The following SAMD5 variants were observed in gnomAD, a reference collection of about 807,000 sequenced individuals.
The protein encoded by SAMD5 is sterile alpha motif domain containing 5, also known as sterile alpha motif domain-containing protein 5.
In SAMD5, 13 loss-of-function variants were observed where a neutral mutation model predicts 11.3. The observed-to-expected ratio is 1.15, with a 90% CI of 0.75 to 1.83. The LOEUF is 1.83. SAMD5 is among the 40% of genes most tolerant of loss of function. The pLI, the probability that SAMD5 is intolerant of heterozygous loss-of-function variation, is 0.00. For synonymous variants in SAMD5, 129 were observed against 111.3 expected, an observed-to-expected ratio of 1.16 and a Z score of -1.00; for missense variants, 255 against 239.1, an observed-to-expected ratio of 1.07 and a Z score of -0.44.
At chr6:147,749,041 A>G in the SAMD5 span, among the ~76,000 whole-genome samples, 1 of 151,910 alleles carries the variant, frequency 6.6e-6, no homozygotes, top group Non-Finnish European at 1.5e-5. Flanking sequence ...ATTTAATGAT[A>G]TTTTCATGCT....
chr6:147,884,849 T>C, the SAMD5 span, among the ~76,000 whole-genome samples: 1 of 152,176 alleles, frequency 6.6e-6, no homozygotes, highest in Non-Finnish European at 1.5e-5. Flanking sequence ...GACTTAGCTG[T>C]CTGGCGCAAT....
At chr6:147,641,945 G>A (rs1211773583) in intron 1 of SAMD5, among the ~76,000 whole-genome samples, 3 of 151,918 alleles carry the variant, frequency 2.0e-5, no homozygotes, top group African/African-American at 7.2e-5. Context: ...TATTTTTTCT[G>A]TCATACAACA....
At chr6:147,832,229 T>C in the SAMD5 span, among the ~76,000 whole-genome samples, 1 of 152,194 alleles carries the variant, frequency 6.6e-6, no homozygotes, top group Non-Finnish European at 1.5e-5. Context: ...CTTAAGAGTG[T>C]GTGTATTTAT....
chr6:147,829,562 C>T, the SAMD5 span, among the ~76,000 whole-genome samples: 1 of 152,144 alleles, frequency 6.6e-6, no homozygotes, highest in Non-Finnish European at 1.5e-5. Context: ...CACATATACA[C>T]ATACATGAAT....
the SAMD5 span, among the ~76,000 whole-genome samples, chr6:147,881,907 C>A: frequency 1.3e-5 from 2 of 152,180 alleles, no homozygotes; most frequent in African/African-American, 4.8e-5. Context: ...AATGCCCTGG[C>A]ATTTTGCAGA....
the SAMD5 span, among the ~76,000 whole-genome samples, chr6:147,808,552 G>A: frequency 7.2e-5 from 11 of 152,206 alleles, no homozygotes; most frequent in South Asian, 1.9e-3. Flanking sequence ...TTAGCTTGTC[G>A]TGACACTAGA....
chr6:147,689,009 A>G (rs1218847995), intron 1 of SAMD5, among the ~76,000 whole-genome samples: 1 of 152,226 alleles, frequency 6.6e-6, no homozygotes, highest in Non-Finnish European at 1.5e-5. Flanking sequence ...TGTATTAAGT[A>G]GTGGAAGTAT....
At chr6:147,581,179 G>A (rs844552) in intron 1 of SAMD5, among the ~76,000 whole-genome samples, 107,707 of 152,114 alleles carry the variant, frequency 0.71, 38,393 homozygotes, top group African/African-American at 0.77. Context: ...AGGAGCAGAC[G>A]TATATGGCTT....
At chr6:147,750,368 G>C in the SAMD5 span, among the ~76,000 whole-genome samples, 4 of 152,012 alleles carry the variant, frequency 2.6e-5, no homozygotes, top group Non-Finnish European at 5.9e-5. Flanking sequence ...TCCCAATCTG[G>C]GTTATTATGT....
intron 1 of SAMD5, among the ~76,000 whole-genome samples, chr6:147,645,868 C>G (rs1034421727): frequency 2.6e-5 from 4 of 152,154 alleles, no homozygotes; most frequent in Non-Finnish European, 5.9e-5. Flanking sequence ...ACTTTGCCAT[C>G]TAATGAAATA....
In SAMD5 at chr6:147,567,773, G is replaced by C. The variant is rs1174993976; in HGVS notation, c.*3317G>C. 1 of 985,194 alleles carries C rather than the reference G, an allele frequency of 1.0e-6. No individual in the cohort carries two copies. The highest frequency in any genetic ancestry group is 1.2e-6 in the Non-Finnish European group (1 of 829,918). The allele number at this position is 985,194 out of a possible 1,614,324, so 61.0% of individuals were successfully genotyped here. On this transcript the variant is annotated 3_prime_UTR_variant, in exon 2 of 2. Coordinates refer to ENST00000367474, the MANE Select transcript of SAMD5 (RefSeq NM_001030060.3). ...TCATTGCCTGAAACCCACTGAATAAGTCCCCTTTGATTTCTCTCAGGAAGG... is the reference window on the plus strand; with the variant it reads ...TCATTGCCTGAAACCCACTGAATAACTCCCCTTTGATTTCTCTCAGGAAGG...
chr6:147,847,990 T>A, the SAMD5 span, among the ~76,000 whole-genome samples: 20 of 152,218 alleles, frequency 1.3e-4, no homozygotes, highest in Non-Finnish European at 2.8e-4. Context: ...GCAGGCAGAT[T>A]TAGCCTGATC....
intron 1 of SAMD5, among the ~76,000 whole-genome samples, chr6:147,640,517 A>G (rs1379739295): frequency 1.3e-5 from 2 of 150,600 alleles, no homozygotes; most frequent in Admixed American, 1.3e-4. Context: ...AAAAAAAAAA[A>G]AAAAAGAATA....
chr6:147,856,530 G>A, the SAMD5 span, among the ~76,000 whole-genome samples: 1 of 152,190 alleles, frequency 6.6e-6, no homozygotes, highest in Admixed American at 6.5e-5. Flanking sequence ...TCTTTCAAGA[G>A]ATGTAAGATA....
intron 1 of SAMD5, among the ~76,000 whole-genome samples, chr6:147,585,897 A>G (rs9497812): frequency 0.026 from 3,940 of 152,306 alleles, 151 homozygotes; most frequent in African/African-American, 0.09. Context: ...CAGTGTTGAC[A>G]TAAATCCTGT....
At chr6:147,600,187 G>C (rs1199824363) in intron 1 of SAMD5, among the ~76,000 whole-genome samples, 1 of 152,106 alleles carries the variant, frequency 6.6e-6, no homozygotes, top group Non-Finnish European at 1.5e-5. Context: ...CAGTGGAAAG[G>C]GTCGTAGGAA....
At chr6:147,525,623 C>T (rs371833144) in intron 1 of SAMD5, among the ~76,000 whole-genome samples, 4 of 152,072 alleles carry the variant, frequency 2.6e-5, no homozygotes, top group South Asian at 2.1e-4. Context: ...TCACAGTCAT[C>T]GGCCTTCTAA....
chr6:147,549,070 C>T (rs948306093), intron 1 of SAMD5, among the ~76,000 whole-genome samples: 10 of 152,116 alleles, frequency 6.6e-5, no homozygotes, highest in African/African-American at 2.4e-4. Context: ...TGGCACAGAA[C>T]CATAGCTGAC....
the SAMD5 span, among the ~76,000 whole-genome samples, chr6:147,945,326 C>T: frequency 6.6e-6 from 1 of 152,172 alleles, no homozygotes; most frequent in Non-Finnish European, 1.5e-5. Flanking sequence ...TTCTACAGTA[C>T]TATCATTTTA....
Sources: allele counts gnomAD v4.1 joint callset (sites outside exome capture counted in the v4.1 genomes callset), GRCh38; gene constraint gnomAD v4.1.1; transcripts MANE v1.5; gene names NCBI Gene and HGNC (gene_info 2026-07-23, HGNC 2026-07-21).